The following SYN3 variants were observed in gnomAD, a reference collection of about 807,000 sequenced individuals.
SYN3 encodes synapsin-3.
SYN3 carries 35 observed loss-of-function variants against 65.8 expected under a neutral mutation model. The ratio of observed to expected loss-of-function variants is 0.53; its 90% CI spans 0.41 to 0.70. The LOEUF is 0.70. Ranked by LOEUF, SYN3 falls within the 30% of genes least tolerant of loss-of-function variation. The probability of loss-of-function intolerance (pLI) is 0.00; values close to 1 mark genes in which losing one functional copy is unlikely to be tolerated. For missense variants in SYN3, 680 were observed against 749.0 expected, an observed-to-expected ratio of 0.91 and a Z score of 1.08; for synonymous variants, 270 against 292.9, an observed-to-expected ratio of 0.92 and a Z score of 0.80.
intron 6 of SYN3, among the ~76,000 whole-genome samples, chr22:32,664,818 C>T (rs1483088986): frequency 6.6e-6 from 1 of 151,026 alleles, no homozygotes; most frequent in African/African-American, 2.4e-5. Context: ...TCTCGATCTC[C>T]TAACCTCATA....
At chr22:32,978,126 A>G (rs2052262417) in intron 3 of SYN3, among the ~76,000 whole-genome samples, 1 of 152,212 alleles carries the variant, frequency 6.6e-6, no homozygotes, top group Admixed American at 6.5e-5. Context: ...TGGGATGAAG[A>G]ATACATTGGA....
At chr22:32,781,435 A>G (rs1185661147) in intron 6 of SYN3, among the ~76,000 whole-genome samples, 1 of 152,112 alleles carries the variant, frequency 6.6e-6, no homozygotes, top group African/African-American at 2.4e-5. Flanking sequence ...TCTATCACCA[A>G]TAGGCTACAT....
intron 6 of SYN3, among the ~76,000 whole-genome samples, chr22:32,840,515 G>A (rs902398647): frequency 2.0e-5 from 3 of 149,676 alleles, no homozygotes; most frequent in African/African-American, 7.3e-5. Flanking sequence ...CCAGCCCCCA[G>A]CCCCCATGCT....
intron 8 of SYN3, among the ~76,000 whole-genome samples, chr22:32,539,379 T>C (rs957404719): frequency 3.3e-5 from 5 of 152,036 alleles, no homozygotes; most frequent in African/African-American, 1.2e-4. Context: ...AGTTATAGAT[T>C]AGCAATCAGG....
At chr22:32,584,745 C>T (rs2058999129) in intron 7 of SYN3, among the ~76,000 whole-genome samples, 1 of 152,022 alleles carries the variant, frequency 6.6e-6, no homozygotes, top group East Asian at 1.9e-4. Flanking sequence ...GGGTGGTATT[C>T]TTTCTTTCTT....
intron 4 of SYN3, among the ~76,000 whole-genome samples, chr22:32,889,045 A>C (rs1406310240): frequency 6.6e-6 from 1 of 152,238 alleles, no homozygotes; most frequent in Non-Finnish European, 1.5e-5. Context: ...CAGACATGGC[A>C]TCCCAAAGGG....
At chr22:32,777,464 A>C (rs1047575387) in intron 6 of SYN3, among the ~76,000 whole-genome samples, 6 of 152,282 alleles carry the variant, frequency 3.9e-5, no homozygotes, top group Admixed American at 3.3e-4. Context: ...TATTGTCCCC[A>C]GTATGTTGGT....
At chr22:32,697,417 TC>T (rs2060751253) in intron 6 of SYN3, among the ~76,000 whole-genome samples, 1 of 152,218 alleles carries the variant, frequency 6.6e-6, no homozygotes, top group African/African-American at 2.4e-5. Context: ...ATTATATCTA[TC>T]CTGTTGGGTT....
At chr22:32,793,083 T>C (rs2046357467) in intron 6 of SYN3, among the ~76,000 whole-genome samples, 1 of 152,350 alleles carries the variant, frequency 6.6e-6, no homozygotes, top group Non-Finnish European at 1.5e-5. Context: ...GCCTTGTACA[T>C]AGTAGGTATT....
intron 7 of SYN3, among the ~76,000 whole-genome samples, chr22:32,565,733 T>C (rs988920735): frequency 6.7e-6 from 1 of 149,454 alleles, no homozygotes; most frequent in Non-Finnish European, 1.5e-5. Flanking sequence ...TATTTAATTT[T>C]TTTTTACTCG....
Position 32,739,645 on chromosome 22 carries a change from CT to C in SYN3, c.711+125269del, listed in dbSNP as rs1249209683. 1.2e-4 allele frequency among the ~76,000 whole-genome samples: 19 copies of C among 152,354 alleles called. No homozygotes were observed. The East Asian group carries it at 3.7e-3, about 29-fold the overall frequency. On this transcript the variant is annotated intron_variant, in intron 6 of 13. Coordinates refer to ENST00000358763, the MANE Select transcript of SYN3 (RefSeq NM_003490.4). ...TGTTGGTTGAGAATTAGCTGCTTCCCTGATCCCCCACCTCCACCTCTACCCC... is the reference window on the plus strand; with the variant it reads ...TGTTGGTTGAGAATTAGCTGCTTCCCGATCCCCCACCTCCACCTCTACCCC...
chr22:32,909,040 G>A (rs2049978053), intron 4 of SYN3, among the ~76,000 whole-genome samples: 1 of 152,144 alleles, frequency 6.6e-6, no homozygotes, highest in African/African-American at 2.4e-5. Flanking sequence ...ACTGAGGTTC[G>A]CTCATTCATT....
At chr22:32,573,926 C>A (rs1379748913) in intron 7 of SYN3, among the ~76,000 whole-genome samples, 1 of 146,772 alleles carries the variant, frequency 6.8e-6, no homozygotes, top group African/African-American at 2.5e-5. Context: ...CCCGCTGCCA[C>A]GCCCGGCTAA....
chr22:32,684,207 G>A (rs916423262), intron 6 of SYN3, among the ~76,000 whole-genome samples: 10 of 152,266 alleles, frequency 6.6e-5, no homozygotes, highest in South Asian at 4.1e-4. Context: ...GAAATAAGGC[G>A]TTAGGAGAGT....
At chr22:32,612,523 T>C (rs1470551298) in intron 6 of SYN3, among the ~76,000 whole-genome samples, 2 of 152,174 alleles carry the variant, frequency 1.3e-5, no homozygotes, top group Admixed American at 1.3e-4. Context: ...TAGTTTCGCT[T>C]TAGGGGCTAA....
At chr22:32,529,111 C>G in intron 10 of SYN3, 103 bp from the exon 11 acceptor site, 1 of 1,434,050 alleles carries the variant, frequency 7.0e-7, no homozygotes, top group South Asian at 1.2e-5. Flanking sequence ...ACAGAAGTGA[C>G]CACCAGATGG....
chr22:32,704,333 C>T (rs2060851012), intron 6 of SYN3, among the ~76,000 whole-genome samples: 1 of 152,104 alleles, frequency 6.6e-6, no homozygotes, highest in East Asian at 1.9e-4. Context: ...TTTTCTGTTC[C>T]TGCATTAGTT....
At chr22:32,582,159 G>C (rs1004937450) in intron 7 of SYN3, among the ~76,000 whole-genome samples, 5 of 152,150 alleles carry the variant, frequency 3.3e-5, no homozygotes, top group African/African-American at 1.2e-4. Context: ...GCTAAGTTGT[G>C]ACTTCTCTTG....
intron 3 of SYN3, among the ~76,000 whole-genome samples, chr22:32,974,331 A>G (rs578182336): frequency 2.7e-4 from 41 of 152,340 alleles, no homozygotes; most frequent in Admixed American, 5.9e-4. Flanking sequence ...TTTCTGAAAG[A>G]TGGAGGTGAT....
Sources: allele counts gnomAD v4.1 joint callset (sites outside exome capture counted in the v4.1 genomes callset), GRCh38; gene constraint gnomAD v4.1.1; transcripts MANE v1.5; gene names NCBI Gene and HGNC (gene_info 2026-07-23, HGNC 2026-07-21).